PLCL1: variants seen among roughly 807,000 people sequenced by gnomAD.
PLCL1 encodes inactive phospholipase C-like protein 1.
Under a neutral mutation model 84.4 loss-of-function variants are expected in PLCL1, and 41 were observed. The ratio of observed to expected loss-of-function variants is 0.49; its 90% CI spans 0.38 to 0.63. The LOEUF is 0.63. Among genes scored for constraint, PLCL1 ranks in the 30% least tolerant of loss-of-function variants. The pLI is 0.00. For missense variants in PLCL1, 1,206 were observed against 1,367.8 expected, an observed-to-expected ratio of 0.88 and a Z score of 1.87; for synonymous variants, 490 against 488.3, an observed-to-expected ratio of 1.00 and a Z score of -0.05.
chr2:197,981,467 A>G (rs560782704), intron 1 of PLCL1, among the ~76,000 whole-genome samples: 1 of 152,338 alleles, frequency 6.6e-6, no homozygotes, highest in South Asian at 2.1e-4. Flanking sequence ...ATAAACAATT[A>G]CTTTTTAATT....
In PLCL1 at chr2:197,832,054, G is replaced by C. The variant is rs1162674225; in HGVS notation, c.240+26715G>C. On this transcript the variant is annotated intron_variant, in intron 1 of 5. Transcript: ENST00000428675. The stretch of plus-strand genomic sequence containing the variant: ...ACTAAATGCTCACAGGAGAAAGTGG[G>C]GAAGATCTAAAATCGACACCCCAGC... Among the ~76,000 whole-genome samples the C allele has an allele frequency of 2.0e-5, 3 of 152,036 alleles. No individual in the cohort carries two copies. The East Asian group carries it at 5.8e-4, about 29-fold the overall frequency.
chr2:197,829,363 G>T (rs965642403), intron 1 of PLCL1, among the ~76,000 whole-genome samples: 1 of 152,076 alleles, frequency 6.6e-6, no homozygotes, highest in African/African-American at 2.4e-5. Flanking sequence ...TTTAAGAGCC[G>T]TGCCCTATCA....
intron 3 of PLCL1, 26 bp from the exon 4 acceptor site, chr2:198,101,259 C>T (rs368483590): frequency 7.8e-5 from 112 of 1,436,762 alleles, no homozygotes; most frequent in African/African-American, 6.4e-4. Context: ...CTGACAACCA[C>T]CTTTTTGATG....
chr2:197,836,220 C>T (rs1439787042), intron 1 of PLCL1, among the ~76,000 whole-genome samples: 1 of 151,704 alleles, frequency 6.6e-6, no homozygotes, highest in Non-Finnish European at 1.5e-5. Flanking sequence ...CCGAGGCGGG[C>T]GGATCACGAG....
At chr2:197,808,963 G>A (rs1690532908) in intron 1 of PLCL1, among the ~76,000 whole-genome samples, 1 of 152,170 alleles carries the variant, frequency 6.6e-6, no homozygotes, top group Admixed American at 6.5e-5. Flanking sequence ...GGAATGAGGT[G>A]TTGAGACCAG....
At chr2:198,036,673 G>A (rs1344224058) in intron 1 of PLCL1, among the ~76,000 whole-genome samples, 1 of 152,054 alleles carries the variant, frequency 6.6e-6, no homozygotes, top group Non-Finnish European at 1.5e-5. Flanking sequence ...TTCCTCCATG[G>A]TTCATACATC....
intron 1 of PLCL1, among the ~76,000 whole-genome samples, chr2:197,983,650 G>A (rs184580475): frequency 0.01 from 1,570 of 152,278 alleles, 11 homozygotes; most frequent in Non-Finnish European, 0.017. Flanking sequence ...GCTAGGCACC[G>A]AAGATAGAAA....
chr2:198,083,698 T>C (rs1383499850), intron 1 of PLCL1, 60 bp from the exon 2 acceptor site: 3 of 1,095,560 alleles, frequency 2.7e-6, no homozygotes, highest in Non-Finnish European at 4.0e-6. Context: ...TCATAGAGTG[T>C]TACTGAATTT....
At chr2:197,869,438 T>C (rs1386107404) in intron 1 of PLCL1, among the ~76,000 whole-genome samples, 1 of 152,158 alleles carries the variant, frequency 6.6e-6, no homozygotes, top group Non-Finnish European at 1.5e-5. Flanking sequence ...TATATTTACA[T>C]AATAACTTTT....
At chr2:197,998,912 AC>A (rs1353973921) in intron 1 of PLCL1, among the ~76,000 whole-genome samples, 1 of 152,260 alleles carries the variant, frequency 6.6e-6, no homozygotes, top group East Asian at 1.9e-4. Flanking sequence ...TCACCTAGAG[AC>A]TGGCAGCAGA....
intron 5 of PLCL1, among the ~76,000 whole-genome samples, chr2:198,133,916 G>C (rs930080734): frequency 1.3e-5 from 2 of 152,278 alleles, no homozygotes; most frequent in Admixed American, 1.3e-4. Context: ...TGCAATTCCT[G>C]AGTGAATGTT....
chr2:198,080,585 G>T (rs1692687151), intron 1 of PLCL1, among the ~76,000 whole-genome samples: 1 of 152,202 alleles, frequency 6.6e-6, no homozygotes, highest in Admixed American at 6.5e-5. Context: ...CAGCGTGATT[G>T]CTCTCTGAAT....
chr2:197,959,638 T>C (rs772141290), intron 1 of PLCL1, among the ~76,000 whole-genome samples: 4 of 152,106 alleles, frequency 2.6e-5, no homozygotes, highest in Non-Finnish European at 4.4e-5. Context: ...TTGGCTCATC[T>C]AGAGTTGTTT....
chr2:197,843,457 G>T (rs1249224409), intron 1 of PLCL1, among the ~76,000 whole-genome samples: 2 of 152,082 alleles, frequency 1.3e-5, no homozygotes, highest in African/African-American at 4.8e-5. Flanking sequence ...GGTATTATTG[G>T]GTATGAGTAC....
chr2:197,889,569 C>G (rs1176119810), intron 1 of PLCL1, among the ~76,000 whole-genome samples: 1 of 152,118 alleles, frequency 6.6e-6, no homozygotes, highest in African/African-American at 2.4e-5. Flanking sequence ...TAGAAGAACC[C>G]AAGAAGCAAA....
intron 1 of PLCL1, among the ~76,000 whole-genome samples, chr2:197,925,805 T>A (rs1688820333): frequency 1.3e-5 from 2 of 151,516 alleles, no homozygotes; most frequent in Admixed American, 1.3e-4. Flanking sequence ...CACACCTTTG[T>A]CATTAACCCT....
chr2:197,827,633 G>T (rs1341685635), intron 1 of PLCL1, among the ~76,000 whole-genome samples: 1 of 152,056 alleles, frequency 6.6e-6, no homozygotes, highest in East Asian at 1.9e-4. Flanking sequence ...GTATTTTTGG[G>T]TTGGTTTTGA....
At chr2:198,001,028 A>G (rs1270940569) in intron 1 of PLCL1, among the ~76,000 whole-genome samples, 3 of 152,210 alleles carry the variant, frequency 2.0e-5, no homozygotes, top group Admixed American at 1.3e-4. Context: ...CTTCGAAGGC[A>G]GAGAGATGTG....
At chr2:197,975,593 C>G (rs1689964137) in intron 1 of PLCL1, among the ~76,000 whole-genome samples, 1 of 152,082 alleles carries the variant, frequency 6.6e-6, no homozygotes, top group African/African-American at 2.4e-5. Context: ...TGCTTGAGGC[C>G]AGGAGTTCGA....
Sources: allele counts gnomAD v4.1 joint callset (sites outside exome capture counted in the v4.1 genomes callset), GRCh38; gene constraint gnomAD v4.1.1; transcripts MANE v1.5; gene names NCBI Gene and HGNC (gene_info 2026-07-23, HGNC 2026-07-21).